Variants in RASAL2 observed in about 807,000 individuals in gnomAD.
RASAL2 encodes the protein RAS protein activator like 2.
RASAL2 carries 58 observed loss-of-function variants against 128.9 expected under a neutral mutation model. The observed-to-expected ratio is 0.45, with a 90% CI of 0.36 to 0.56. The LOEUF is 0.56. Ranked by LOEUF, RASAL2 falls within the 20% of genes least tolerant of loss-of-function variation. The probability of loss-of-function intolerance (pLI) is 0.00; values close to 1 mark genes in which losing one functional copy is unlikely to be tolerated. For missense variants in RASAL2, 1,360 were observed against 1,601.6 expected (o/e 0.85, Z 2.57); for synonymous variants, 561 against 580.8 (o/e 0.97, Z 0.49).
chr1:178,136,815 A>G (rs555912720), intron 1 of RASAL2, among the ~76,000 whole-genome samples: 2 of 151,352 alleles, frequency 1.3e-5, no homozygotes, highest in East Asian at 3.9e-4. Flanking sequence ...CCAGAAAAGA[A>G]AAGGTGTCCC....
At chr1:178,199,918 CG>C (rs1160266062) in intron 1 of RASAL2, among the ~76,000 whole-genome samples, 1 of 152,118 alleles carries the variant, frequency 6.6e-6, no homozygotes, top group Non-Finnish European at 1.5e-5. Context: ...GGCAGAAGAT[CG>C]TGGAGAGATT....
chr1:178,104,007 C>T lies in RASAL2; in HGVS notation c.202+9313C>T, dbSNP rs543190767. Among the ~76,000 whole-genome samples the T allele has an allele frequency of 9.8e-4, 149 of 152,010 alleles. 1 individual carries two copies. Among genetic ancestry groups the T allele is most frequent in the Non-Finnish European group, 1.3e-3 (89 of 67,912 alleles). On this transcript the variant is annotated intron_variant, in intron 1 of 17. Coordinates refer to ENST00000367649, the MANE Select transcript of RASAL2 (RefSeq NM_170692.4). ...CCCATTCTTTTTTTTTCCCCCTCTA[C>T]ATACACTAAGTACCTAAATACCCTT...
intron 1 of RASAL2, among the ~76,000 whole-genome samples, chr1:178,229,513 A>G (rs1337178800): frequency 6.6e-6 from 1 of 150,750 alleles, no homozygotes; most frequent in South Asian, 2.1e-4. Context: ...TACCAGTCTG[A>G]TTTTGCTCAT....
At chr1:178,460,464 C>T (rs544179131) in intron 14 of RASAL2, among the ~76,000 whole-genome samples, 2 of 152,090 alleles carry the variant, frequency 1.3e-5, no homozygotes, top group Non-Finnish European at 2.9e-5. Flanking sequence ...CAATACCTAT[C>T]GCATAAGCAC....
At chr1:178,367,579 C>T (rs1671470236) in intron 3 of RASAL2, among the ~76,000 whole-genome samples, 1 of 152,038 alleles carries the variant, frequency 6.6e-6, no homozygotes, top group Non-Finnish European at 1.5e-5. Flanking sequence ...CACATATTAG[C>T]ACTGATATTG....
At chr1:178,267,232 C>T (rs1211951269) in intron 1 of RASAL2, among the ~76,000 whole-genome samples, 4 of 152,112 alleles carry the variant, frequency 2.6e-5, no homozygotes, top group African/African-American at 7.2e-5. Context: ...CATTTTATTT[C>T]GGCATTTACA....
chr1:178,388,195 G>A (rs1274406584), intron 3 of RASAL2, among the ~76,000 whole-genome samples: 1 of 151,978 alleles, frequency 6.6e-6, no homozygotes, highest in Admixed American at 6.6e-5. Flanking sequence ...ACCTTCACCA[G>A]CCCCATTCCC....
chr1:178,338,233 G>A (rs559754089), intron 3 of RASAL2, among the ~76,000 whole-genome samples: 3 of 151,878 alleles, frequency 2.0e-5, no homozygotes, highest in Admixed American at 2.0e-4. Context: ...GGGTTCAAGC[G>A]ATTCTCTTGC....
intron 4 of RASAL2, among the ~76,000 whole-genome samples, chr1:178,396,017 G>A (rs1256736801): frequency 6.6e-6 from 1 of 151,540 alleles, no homozygotes; most frequent in Non-Finnish European, 1.5e-5. Context: ...AGAACCAAAG[G>A]TCTCAGAGCA....
At chr1:178,255,659 G>C (rs1341672703) in intron 1 of RASAL2, among the ~76,000 whole-genome samples, 1 of 151,986 alleles carries the variant, frequency 6.6e-6, no homozygotes, top group Non-Finnish European at 1.5e-5. Flanking sequence ...GATATGTATG[G>C]TAAGCCATAG....
At chr1:178,322,987 C>T (rs1349609212) in intron 3 of RASAL2, among the ~76,000 whole-genome samples, 1 of 152,198 alleles carries the variant, frequency 6.6e-6, no homozygotes, top group Non-Finnish European at 1.5e-5. Context: ...CCTGGAATAT[C>T]TTGCTCTGTT....
At chr1:178,096,710 A>C (rs1364886891) in intron 1 of RASAL2, among the ~76,000 whole-genome samples, 1 of 151,974 alleles carries the variant, frequency 6.6e-6, no homozygotes. Flanking sequence ...TTTTGTGACC[A>C]ATTGCAGACT....
chr1:178,155,211 T>C (rs907270525), intron 1 of RASAL2, among the ~76,000 whole-genome samples: 1 of 152,180 alleles, frequency 6.6e-6, no homozygotes, highest in Non-Finnish European at 1.5e-5. Flanking sequence ...TATTCTTCTA[T>C]TGCCCCAGGG....
chr1:178,176,178 A>G (rs566979355), intron 1 of RASAL2, among the ~76,000 whole-genome samples: 33 of 152,276 alleles, frequency 2.2e-4, no homozygotes, highest in Non-Finnish European at 3.7e-4. Context: ...TCCAACCAGC[A>G]GTGTATAAGC....
At chr1:178,344,141 C>T (rs1419793731) in intron 3 of RASAL2, among the ~76,000 whole-genome samples, 1 of 151,974 alleles carries the variant, frequency 6.6e-6, no homozygotes, top group African/African-American at 2.4e-5. Flanking sequence ...AAAATTTTTT[C>T]CCATGAACAA....
At chr1:178,219,936 G>A (rs1346881100) in intron 1 of RASAL2, among the ~76,000 whole-genome samples, 1 of 152,032 alleles carries the variant, frequency 6.6e-6, no homozygotes, top group Non-Finnish European at 1.5e-5. Context: ...GGGGCGGGTG[G>A]ATCCCTCGTG....
intron 4 of RASAL2, chr1:178,411,502 A>C (rs1485014564): frequency 3.7e-6 from 2 of 536,914 alleles, no homozygotes; most frequent in Non-Finnish European, 6.8e-6. Context: ...CCACTAAAGA[A>C]CTTTTCCATG....
At chr1:178,319,831 T>C in intron 3 of RASAL2, among the ~76,000 whole-genome samples, 1 of 152,264 alleles carries the variant, frequency 6.6e-6, no homozygotes, top group Non-Finnish European at 1.5e-5. Flanking sequence ...GTTCTGTTGC[T>C]GATGAGGAAC....
At chr1:178,138,540 C>T (rs573266382) in intron 1 of RASAL2, among the ~76,000 whole-genome samples, 1 of 152,074 alleles carries the variant, frequency 6.6e-6, no homozygotes, top group Non-Finnish European at 1.5e-5. Flanking sequence ...TAACCTTGAA[C>T]GAGCTGTATA....
Sources: allele counts gnomAD v4.1 joint callset (sites outside exome capture counted in the v4.1 genomes callset), GRCh38; gene constraint gnomAD v4.1.1; transcripts MANE v1.5; gene names NCBI Gene and HGNC (gene_info 2026-07-23, HGNC 2026-07-21).